The following IL1RAPL2 variants were observed in gnomAD, a reference collection of about 807,000 sequenced individuals.
IL1RAPL2 encodes the protein interleukin 1 receptor accessory protein like 2.
Under a neutral mutation model 44.1 loss-of-function variants are expected in IL1RAPL2, and 3 were observed. The observed-to-expected ratio is 0.07, with a 90% CI of 0.03 to 0.18. The LOEUF (loss-of-function observed/expected upper bound fraction) is 0.18, where lower values mean the gene tolerates loss of function less well. Ranked by LOEUF, IL1RAPL2 falls within the 10% of genes least tolerant of loss-of-function variation. The pLI, the probability that IL1RAPL2 is intolerant of heterozygous loss-of-function variation, is 1.00. For missense variants in IL1RAPL2, 391 were observed against 496.4 expected (o/e 0.79, Z 2.02); for synonymous variants, 181 against 178.8 (o/e 1.01, Z -0.10).
At chrX:104,933,128 C>T (rs1440056316) in intron 2 of IL1RAPL2, among the ~76,000 whole-genome samples, 6 of 111,876 alleles carry the variant, frequency 5.4e-5, no homozygotes, top group African/African-American at 1.3e-4. Flanking sequence ...CCACTCATAC[C>T]ATGCTGCTAG....
chrX:105,447,282 T>C (rs1296428174), intron 5 of IL1RAPL2, among the ~76,000 whole-genome samples: 1 of 50,455 alleles, frequency 2.0e-5, no homozygotes, highest in Non-Finnish European at 3.2e-5. Flanking sequence ...ATATAAAATA[T>C]ATATAAATAT....
Position 105,241,707 on chromosome X carries a change from G to A in IL1RAPL2, c.543+7703G>A, listed in dbSNP as rs782480798. Among the ~76,000 whole-genome samples, 184 of 111,645 alleles carry A rather than the reference G, an allele frequency of 1.6e-3. 1 individual carries two copies. The highest frequency in any genetic ancestry group is 3.4e-4 in the Non-Finnish European group (18 of 53,137). On this transcript the variant is annotated intron_variant, in intron 4 of 10. Coordinates refer to ENST00000372582, the MANE Select transcript of IL1RAPL2 (RefSeq NM_017416.2). Reference sequence around the variant, plus strand: ...TCAATGTTCAATTTACAAAAAAACTGAACAATACCCCCTTTAAATTTAGCC... The same window carrying A: ...TCAATGTTCAATTTACAAAAAAACTAAACAATACCCCCTTTAAATTTAGCC...
intron 2 of IL1RAPL2, among the ~76,000 whole-genome samples, chrX:104,929,305 A>G (rs964328859): frequency 8.9e-6 from 1 of 111,771 alleles, no homozygotes; most frequent in Non-Finnish European, 1.9e-5. Flanking sequence ...TTGACTTAAG[A>G]GAAGTCAGCT....
At chrX:104,987,567 C>T (rs979251487) in intron 2 of IL1RAPL2, among the ~76,000 whole-genome samples, 1 of 110,460 alleles carries the variant, frequency 9.1e-6, no homozygotes, top group Admixed American at 9.7e-5. Flanking sequence ...CGCTTTGTGT[C>T]CTTTAGCAAA....
chrX:105,447,710 TAAA>T (rs1183997120), intron 5 of IL1RAPL2, among the ~76,000 whole-genome samples: 5 of 83,554 alleles, frequency 6.0e-5, no homozygotes, highest in Non-Finnish European at 1.0e-4. Context: ...ATAAATATAT[TAAA>T]AATATAAATA....
At chrX:104,792,299 A>G (rs888767975) in intron 2 of IL1RAPL2, among the ~76,000 whole-genome samples, 1 of 111,026 alleles carries the variant, frequency 9.0e-6, no homozygotes, top group Non-Finnish European at 1.9e-5. Context: ...CCCCAAAGTA[A>G]CATATCTAAT....
At chrX:104,846,855 C>A (rs938471262) in intron 2 of IL1RAPL2, among the ~76,000 whole-genome samples, 1 of 111,625 alleles carries the variant, frequency 9.0e-6, no homozygotes, top group Non-Finnish European at 1.9e-5. Context: ...CTCTCCAGCA[C>A]CTGTTGTTTC....
intron 2 of IL1RAPL2, among the ~76,000 whole-genome samples, chrX:105,126,033 G>C (rs1229729104): frequency 1.8e-5 from 2 of 111,293 alleles, no homozygotes; most frequent in African/African-American, 6.5e-5. Context: ...GAAATTCTTA[G>C]ACAGTACCCC....
rs749720909 is a variant in IL1RAPL2, at chrX:105,595,602, G to GTTGT, written c.772+111238_772+111241dup. Among the ~76,000 whole-genome samples, 328 of 109,529 alleles carry GTTGT rather than the reference G, an allele frequency of 3.0e-3. 1 individual carries two copies. The highest frequency in any genetic ancestry group is 0.023 in the Middle Eastern group (5 of 217). On this transcript the variant is annotated intron_variant, in intron 6 of 10. Coordinates refer to ENST00000372582, the MANE Select transcript of IL1RAPL2 (RefSeq NM_017416.2). ...TTGGCCTGTAGTGTTTTTTGTTGTT[G>GTTGT]TTGTTTGTTTGTTTGTTTGTTTGTT...
intron 2 of IL1RAPL2, among the ~76,000 whole-genome samples, chrX:104,971,204 C>T (rs1324960745): frequency 1.8e-5 from 2 of 109,917 alleles, no homozygotes; most frequent in East Asian, 2.9e-4. Flanking sequence ...AAAAATTAGC[C>T]GGGCGTGGTG....
chrX:105,533,805 A>G (rs2036658201), intron 6 of IL1RAPL2, among the ~76,000 whole-genome samples: 1 of 112,027 alleles, frequency 8.9e-6, no homozygotes. Context: ...ACTGAGCAGT[A>G]TTCTGTGGAA....
intron 5 of IL1RAPL2, among the ~76,000 whole-genome samples, chrX:105,395,096 A>C (rs1326501011): frequency 8.9e-6 from 1 of 111,860 alleles, no homozygotes; most frequent in Non-Finnish European, 1.9e-5. Flanking sequence ...AGTAAATACT[A>C]AATAAATAAA....
intron 2 of IL1RAPL2, among the ~76,000 whole-genome samples, chrX:104,682,405 TAAA>T (rs924695027): frequency 8.9e-6 from 1 of 112,531 alleles, no homozygotes; most frequent in Non-Finnish European, 1.9e-5. Context: ...ATCCCAAATT[TAAA>T]AATCAAAATA....
intron 1 of IL1RAPL2, among the ~76,000 whole-genome samples, chrX:104,598,479 C>T (rs1405285863): frequency 8.9e-6 from 1 of 111,788 alleles, no homozygotes; most frequent in Non-Finnish European, 1.9e-5. Flanking sequence ...ACTGTGAATG[C>T]AGGATGTTGA....
chrX:105,106,320 A>C, intron 2 of IL1RAPL2, among the ~76,000 whole-genome samples: 1 of 111,111 alleles, frequency 9.0e-6, no homozygotes, highest in Non-Finnish European at 1.9e-5. Context: ...TGGCCTCTGG[A>C]GCCATTCTAC....
intron 5 of IL1RAPL2, among the ~76,000 whole-genome samples, chrX:105,363,306 ATAATAT>A (rs1198601434): frequency 4.0e-5 from 3 of 75,549 alleles, no homozygotes; most frequent in African/African-American, 3.4e-4. Flanking sequence ...ATATATATAT[ATAATAT>A]ATATATATAT....
At chrX:104,678,944 C>T (rs1368117873) in intron 2 of IL1RAPL2, among the ~76,000 whole-genome samples, 1 of 111,131 alleles carries the variant, frequency 9.0e-6, no homozygotes, top group Non-Finnish European at 1.9e-5. Flanking sequence ...GCATGTTCTG[C>T]ACATGTATGT....
intron 5 of IL1RAPL2, among the ~76,000 whole-genome samples, chrX:105,311,469 G>T (rs180870191): frequency 6.5e-4 from 70 of 108,226 alleles, no homozygotes; most frequent in African/African-American, 2.3e-3. Context: ...CATTTTAGGG[G>T]TGTTATTAGG....
At chrX:105,157,739 A>G (rs1234517415) in intron 2 of IL1RAPL2, among the ~76,000 whole-genome samples, 1 of 112,536 alleles carries the variant, frequency 8.9e-6, no homozygotes, top group Non-Finnish European at 1.9e-5. Context: ...CTGTTAATCA[A>G]AAAGTATTAT....
Sources: allele counts gnomAD v4.1 joint callset (sites outside exome capture counted in the v4.1 genomes callset), GRCh38; gene constraint gnomAD v4.1.1; transcripts MANE v1.5; gene names NCBI Gene and HGNC (gene_info 2026-07-23, HGNC 2026-07-21).